The following RNF144B variants were observed in gnomAD, a reference collection of about 807,000 sequenced individuals.
RNF144B encodes the protein E3 ubiquitin-protein ligase RNF144B.
RNF144B carries 25 observed loss-of-function variants against 40.2 expected under a neutral mutation model. The ratio of observed to expected loss-of-function variants is 0.62; its 90% CI spans 0.45 to 0.87. The LOEUF is 0.87. RNF144B is among the 40% of genes least tolerant of loss of function. The pLI is 0.00. For synonymous variants in RNF144B, 145 were observed against 136.3 expected (o/e 1.06, Z -0.44); for missense variants, 365 against 373.7 (o/e 0.98, Z 0.19).
intron 3 of RNF144B, among the ~76,000 whole-genome samples, chr6:18,432,799 TCTCA>T (rs1758722771): frequency 2.0e-5 from 3 of 152,328 alleles, no homozygotes; most frequent in South Asian, 2.1e-4. Context: ...GGGAAGAGCT[TCTCA>T]CTCACTAATC....
intron 6 of RNF144B, among the ~76,000 whole-genome samples, chr6:18,461,971 A>C (rs1173033971): frequency 4.6e-5 from 7 of 152,066 alleles, no homozygotes; most frequent in Admixed American, 4.6e-4. Context: ...CTGCTTTAGA[A>C]TCCTATTCCT....
rs1386274477 is a variant in RNF144B at position 18,444,044 on chromosome 6, G to A, written c.331+4300G>A. ...CATCCTTAGTTTTTTCCAATTCTTA[G>A]TGCCTGCCAAGTTCTTTTAGTCTTT... On this transcript the variant is annotated intron_variant, in intron 4 of 7. Transcript: ENST00000259939. This position sits in a 1 kb window ranked among gnomAD's most constrained non-coding sequence, Gnocchi z 4.3. 1.3e-5 allele frequency among the ~76,000 whole-genome samples: 2 copies of A among 152,082 alleles called. No homozygotes were observed. The highest frequency in any genetic ancestry group is 2.9e-5 in the Non-Finnish European group (2 of 68,030).
Position 18,405,461 on chromosome 6 carries a change from C to T in RNF144B, c.165+5762C>T, listed in dbSNP as rs1324875214. ...AAGTGCTGGGATTATAGGCGTGAGC[C>T]ACCGTGCCCAGCCGCAAGGTTAGTT... On this transcript the variant is annotated intron_variant, in intron 2 of 7. Transcript: ENST00000259939. This position sits in a 1 kb window ranked among gnomAD's most constrained non-coding sequence, Gnocchi z 4.5. 6.6e-6 allele frequency among the ~76,000 whole-genome samples: 1 copy of T among 152,108 alleles called. No individual in the cohort carries two copies. The highest frequency in any genetic ancestry group is 6.6e-5 in the Admixed American group (1 of 15,264).
intron 2 of RNF144B, among the ~76,000 whole-genome samples, chr6:18,409,803 C>G (rs1794998404): frequency 6.6e-6 from 1 of 152,070 alleles, no homozygotes; most frequent in Admixed American, 6.5e-5. Context: ...GTCCTGACCT[C>G]AAGTGACCTG....
At position 18,434,192 on chromosome 6, in the gene RNF144B, A is replaced by T. The variant is rs1028644010; in HGVS notation, c.271-5492A>T. 4.6e-5 allele frequency among the ~76,000 whole-genome samples: 7 copies of T among 152,134 alleles called. No individual in the cohort carries two copies. The highest frequency in any genetic ancestry group is 1.7e-4 in the African/African-American group (7 of 41,432). ...GATGGGTAGCAGTTCTCTAAAGCCT[A>T]TCCCCAATTTCTGTTTCATTTTTTT... On this transcript the variant is annotated intron_variant, in intron 3 of 7. Coordinates refer to ENST00000259939, the MANE Select transcript of RNF144B (RefSeq NM_182757.4). The surrounding 1 kb of genome is among the most constrained non-coding windows in gnomAD (Gnocchi z 4.1).
In RNF144B at chr6:18,400,211, T is replaced by A. The variant is rs1421292194; in HGVS notation, c.165+512T>A. 6.6e-6 allele frequency among the ~76,000 whole-genome samples: 1 copy of A among 150,882 alleles called. No homozygotes were observed. ...TGGCGTGAACCTGGGAGGCAGAGCTTGCAGTGAGCCGAGATCAGGCCACTG... is the reference window on the plus strand; with the variant it reads ...TGGCGTGAACCTGGGAGGCAGAGCTAGCAGTGAGCCGAGATCAGGCCACTG... On this transcript the variant is annotated intron_variant, in intron 2 of 7. Coordinates refer to ENST00000259939, the MANE Select transcript of RNF144B (RefSeq NM_182757.4). This position sits in a 1 kb window ranked among gnomAD's most constrained non-coding sequence, Gnocchi z 5.6.
intron 3 of RNF144B, among the ~76,000 whole-genome samples, chr6:18,428,101 G>A (rs12206066): frequency 0.12 from 18,270 of 152,144 alleles, 1,315 homozygotes; most frequent in Admixed American, 0.19. Context: ...GTGATAGTGC[G>A]TTCTCCTGAG....
At chr6:18,451,178 A>G (rs1759202034) in intron 4 of RNF144B, among the ~76,000 whole-genome samples, 1 of 151,984 alleles carries the variant, frequency 6.6e-6, no homozygotes, top group Admixed American at 6.6e-5. Context: ...TTTTTTTGAC[A>G]TTGTATTCAT....
rs1794743224 is a variant in RNF144B at position 18,398,973 on chromosome 6, A to G, written c.-36-526A>G. Among the ~76,000 whole-genome samples the G allele has an allele frequency of 6.6e-6, 1 of 152,222 alleles. No individual in the cohort carries two copies. ...TCCCGCCCCTGACCTTCATTAAGGT[A>G]TAATTGACAAATTACATTTGCAGTA... On this transcript the variant is annotated intron_variant, in intron 1 of 7. Coordinates refer to ENST00000259939, the MANE Select transcript of RNF144B (RefSeq NM_182757.4). The surrounding 1 kb of genome is among the most constrained non-coding windows in gnomAD (Gnocchi z 5.0).
chr6:18,453,440 C>T (rs778377485), intron 4 of RNF144B, among the ~76,000 whole-genome samples: 11 of 150,720 alleles, frequency 7.3e-5, no homozygotes, highest in Non-Finnish European at 1.6e-4. Context: ...ACCCAGCCTG[C>T]TTTTTTTTTG....
intron 2 of RNF144B, among the ~76,000 whole-genome samples, chr6:18,417,210 C>T (rs552096149): frequency 3.3e-5 from 5 of 152,118 alleles, no homozygotes; most frequent in African/African-American, 9.6e-5. Flanking sequence ...GTAAAAATTC[C>T]GACTAAATTC....
intron 2 of RNF144B, among the ~76,000 whole-genome samples, chr6:18,408,027 CA>C (rs1375680995): frequency 6.7e-6 from 1 of 148,288 alleles, no homozygotes; most frequent in African/African-American, 2.5e-5. Flanking sequence ...TTTTGTTGCC[CA>C]GGCTGGAGTA....
chr6:18,464,099 G>A lies in RNF144B; in HGVS notation c.771+719G>A, dbSNP rs1759525034. On this transcript the variant is annotated intron_variant, in intron 7 of 7. Transcript: ENST00000259939. This position sits in a 1 kb window ranked among gnomAD's most constrained non-coding sequence, Gnocchi z 6.1. Reference sequence around the variant, plus strand: ...CAGGCAGTGCTCTAAAACCCTGTGAGCCCCTTCTAGGGCTTAGATCCCTGT... The same window carrying A: ...CAGGCAGTGCTCTAAAACCCTGTGAACCCCTTCTAGGGCTTAGATCCCTGT... 6.6e-6 allele frequency among the ~76,000 whole-genome samples: 1 copy of A among 152,188 alleles called. No homozygotes were observed. The highest frequency in any genetic ancestry group is 1.5e-5 in the Non-Finnish European group (1 of 68,032).
chr6:18,457,376 T>C lies in RNF144B; in HGVS notation c.536+17T>C. The C allele has an allele frequency of 6.3e-7, 1 of 1,590,786 alleles. No individual in the cohort carries two copies. The highest frequency in any genetic ancestry group is 8.6e-7 in the Non-Finnish European group (1 of 1,158,684). On this transcript the variant is annotated intron_variant, in intron 5 of 7. Transcript: ENST00000259939. The surrounding 1 kb of genome is among the most constrained non-coding windows in gnomAD (Gnocchi z 5.1). ...AGAGCACCGGTAAGAAAGGAAACTT[T>C]GTCTTTGGGATTATTCACTAGTTTT...
chr6:18,418,979 A>G lies in RNF144B; in HGVS notation c.166-8602A>G, dbSNP rs1318006506. 6.6e-6 allele frequency among the ~76,000 whole-genome samples: 1 copy of G among 152,104 alleles called. No individual in the cohort carries two copies. Among genetic ancestry groups the G allele is most frequent in the East Asian group, 1.9e-4 (1 of 5,192 alleles). On this transcript the variant is annotated intron_variant, in intron 2 of 7. Transcript: ENST00000259939. This position sits in a 1 kb window ranked among gnomAD's most constrained non-coding sequence, Gnocchi z 5.2. ...ATCTTTGACATGGGTCTTGGTACTT[A>G]CAAGTGTGGTTTGTGTGCCAGTGGC...
rs147452764 is a variant in RNF144B at position 18,412,272 on chromosome 6, C to T, written c.165+12573C>T. ...CTCCGGGTATTTTCCAACTTTTCAC[C>T]TTCTGTAATCTGGTATGTGAAAAGA... On this transcript the variant is annotated intron_variant, in intron 2 of 7. Coordinates refer to ENST00000259939, the MANE Select transcript of RNF144B (RefSeq NM_182757.4). The surrounding 1 kb of genome is among the most constrained non-coding windows in gnomAD (Gnocchi z 4.2). 1.6e-4 allele frequency among the ~76,000 whole-genome samples: 25 copies of T among 152,244 alleles called. No homozygotes were observed. Among genetic ancestry groups the T allele is most frequent in the African/African-American group, 5.8e-4 (24 of 41,516 alleles).
Position 18,466,966 on chromosome 6 carries a change from TTG to T in RNF144B, c.*1903_*1904del, listed in dbSNP as rs1314004027. Reference sequence around the variant, plus strand: ...ATCATTTATTAGAAATTTCTCAATATTGTGTCTTTTTCTTTTGAAACTCTAAA... The same window carrying T: ...ATCATTTATTAGAAATTTCTCAATATTGTCTTTTTCTTTTGAAACTCTAAA... On this transcript the variant is annotated 3_prime_UTR_variant, in exon 8 of 8. Transcript: ENST00000259939. 6.6e-6 allele frequency: 1 copy of T among 152,656 alleles called. No homozygotes were observed. The highest frequency in any genetic ancestry group is 1.5e-5 in the Non-Finnish European group (1 of 68,032). 9.5% of individuals were successfully genotyped at this position (152,656 alleles called of 1,614,324 possible).
chr6:18,452,676 A>G (rs1054077432), intron 4 of RNF144B, among the ~76,000 whole-genome samples: 5 of 152,262 alleles, frequency 3.3e-5, no homozygotes, highest in Admixed American at 6.5e-5. Context: ...TTTAGAGATG[A>G]AGTAAATCTT....
At chr6:18,420,695 C>A (rs1795241170) in intron 2 of RNF144B, among the ~76,000 whole-genome samples, 1 of 151,956 alleles carries the variant, frequency 6.6e-6, no homozygotes, top group Admixed American at 6.6e-5. Context: ...TCTAGTATGT[C>A]CCCAAGTGAG....
Sources: gnomAD v4.1 joint callset for allele counts (sites outside exome capture counted in the v4.1 genomes callset) on GRCh38, gnomAD v4.1.1 for gene constraint, Gnocchi (gnomAD v3.1) non-coding constraint, MANE v1.5 for transcripts, NCBI Gene and HGNC (gene_info 2026-07-23, HGNC 2026-07-21) for gene names.